The following DIS3L variants were observed in gnomAD, a reference collection of about 807,000 sequenced individuals.
DIS3L encodes DIS3 like exosome 3'-5' exoribonuclease.
A neutral mutation model predicts 120.3 loss-of-function variants in DIS3L; 100 were observed. That is an observed-to-expected ratio of 0.83 (90% CI 0.71 to 0.98). DIS3L has a LOEUF of 0.98. Ranked by LOEUF, DIS3L falls within the 50% of genes least tolerant of loss-of-function variation. The pLI is 0.00. For missense variants in DIS3L, 1,196 were observed against 1,314.2 expected, an observed-to-expected ratio of 0.91 and a Z score of 1.39; for synonymous variants, 426 against 470.6, an observed-to-expected ratio of 0.91 and a Z score of 1.23.
chr15:66,330,151 A>T (rs901048692), intron 14 of DIS3L: 42 of 890,106 alleles, frequency 4.7e-5, no homozygotes, highest in Non-Finnish European at 5.4e-5. Context: ...AAATACAAAA[A>T]ATTAGCATGG....
upstream of DIS3L, chr15:66,293,480 G>A: frequency 8.1e-7 from 1 of 1,231,808 alleles, no homozygotes; most frequent in Non-Finnish European, 1.0e-6. Context: ...CCTCCCCCGG[G>A]CGCGGCAGTT....
At chr15:66,328,849 T>G in intron 12 of DIS3L, 121 bp from the exon 13 acceptor site, 2 of 1,296,482 alleles carry the variant, frequency 1.5e-6, no homozygotes, top group Non-Finnish European at 2.1e-6. Context: ...CTGAAACGTG[T>G]CCAAAACAAA....
chr15:66,311,641 C>T, intron 4 of DIS3L, 83 bp from the exon 5 acceptor site: 2 of 1,533,750 alleles, frequency 1.3e-6, no homozygotes, highest in Non-Finnish European at 8.9e-7. Flanking sequence ...CCAGCAATTC[C>T]TAGTCAGGAG....
rs751081764 is a variant in DIS3L at position 66,323,547 on chromosome 15, C to T, written c.1629C>T (p.Leu543=). Residue 543 remains leucine, a synonymous_variant, in exon 11 of 17, where the codon CTC becomes CTT. Coordinates refer to ENST00000319212, the MANE Select transcript of DIS3L (RefSeq NM_001143688.3). The part of the protein sequence containing the change: ...DRRYDMLPSV[L]SADLCSLLGG... ...GCTATGACATGCTGCCTTCCGTCCTCAGTGCAGATTTGTGTTCCCTTCTGG... is the reference window on the plus strand; with the variant it reads ...GCTATGACATGCTGCCTTCCGTCCTTAGTGCAGATTTGTGTTCCCTTCTGG... The T allele has an allele frequency of 4.3e-6, 7 of 1,614,156 alleles. No homozygotes were observed. The highest frequency in any genetic ancestry group is 5.9e-6 in the Non-Finnish European group (7 of 1,180,052).
rs372579132 is a variant in DIS3L, at chr15:66,333,546, C to T, written c.*234C>T. On this transcript the variant is annotated 3_prime_UTR_variant, in exon 17 of 17. Transcript: ENST00000319212. ...GAGATTGAGACCATCCTGGCTAACA[C>T]GGTGAAACCCAGTCTCTACTAAAAA... 205 of 325,880 alleles carry T rather than the reference C, an allele frequency of 6.3e-4. No homozygotes were observed. Among genetic ancestry groups the T allele is most frequent in the African/African-American group, 3.2e-3 (149 of 46,252 alleles). 20.2% of individuals were successfully genotyped at this position (325,880 alleles called of 1,614,324 possible). A position where few individuals can be genotyped will look rare whatever the true frequency, so the allele number is the denominator to read the frequency against.
intron 11 of DIS3L, among the ~76,000 whole-genome samples, chr15:66,324,228 G>A (rs1010107483): frequency 2.0e-5 from 3 of 152,104 alleles, no homozygotes; most frequent in Admixed American, 6.6e-5. Flanking sequence ...AGATCATTCC[G>A]TATTAATAAC....
At chr15:66,317,260 G>C (rs1187870366) in intron 7 of DIS3L, among the ~76,000 whole-genome samples, 1 of 148,972 alleles carries the variant, frequency 6.7e-6, no homozygotes, top group Non-Finnish European at 1.5e-5. Context: ...TTGAAATCAA[G>C]GACTTTGCCT....
intron 7 of DIS3L, among the ~76,000 whole-genome samples, chr15:66,318,084 C>T (rs1164846707): frequency 1.3e-5 from 2 of 152,128 alleles, no homozygotes; most frequent in African/African-American, 4.8e-5. Flanking sequence ...GGCGATTCTC[C>T]TGCCTTAGCC....
At chr15:66,309,846 A>G (rs2092742966) in intron 4 of DIS3L, among the ~76,000 whole-genome samples, 1 of 152,184 alleles carries the variant, frequency 6.6e-6, no homozygotes, top group Non-Finnish European at 1.5e-5. Context: ...GTTAATAGGG[A>G]TAAATGAAAG....
intron 7 of DIS3L, among the ~76,000 whole-genome samples, chr15:66,316,476 C>G (rs1454899059): frequency 6.6e-6 from 1 of 152,182 alleles, no homozygotes; most frequent in Non-Finnish European, 1.5e-5. Context: ...ACCCTTGCCC[C>G]TCCCCATGTA....
chr15:66,318,186 C>T (rs2092840707), intron 7 of DIS3L, among the ~76,000 whole-genome samples: 1 of 152,094 alleles, frequency 6.6e-6, no homozygotes, highest in Admixed American at 6.5e-5. Context: ...GTTAGCCAGG[C>T]TGGTCTTGAA....
At chr15:66,302,129 A>G (rs2092654401) in intron 2 of DIS3L, among the ~76,000 whole-genome samples, 1 of 152,156 alleles carries the variant, frequency 6.6e-6, no homozygotes, top group Non-Finnish European at 1.5e-5. Flanking sequence ...TTGGGAGGCC[A>G]AGGCAAGAAG....
intron 1 of DIS3L, chr15:66,293,973 A>C (rs1288943742): frequency 4.0e-6 from 4 of 992,142 alleles, no homozygotes; most frequent in Non-Finnish European, 4.8e-6. Flanking sequence ...GTCCAATGGG[A>C]GGGCCCGACA....
At chr15:66,304,038 C>G (rs1325767770) in intron 2 of DIS3L, among the ~76,000 whole-genome samples, 1 of 137,172 alleles carries the variant, frequency 7.3e-6, no homozygotes, top group Non-Finnish European at 1.5e-5. Flanking sequence ...TGCAGTGAGC[C>G]GAGATTGTGC....
chr15:66,326,240 G>A lies in DIS3L; in HGVS notation c.2077G>A (p.Ala693Thr), dbSNP rs1295953660. The A allele has an allele frequency of 7.4e-6, 12 of 1,614,012 alleles. No individual in the cohort carries two copies. The highest frequency in any genetic ancestry group is 1.7e-5 in the Admixed American group (1 of 60,006). Residue 693 changes from alanine to threonine, a missense_variant, in exon 12 of 17, where the codon GCC (alanine) becomes ACC (threonine). By Grantham distance (58) the Ala-to-Thr change is moderately conservative (BLOSUM62 0). Transcript: ENST00000319212. ...ECMILANHWVAKKIWESFPHQ... is the reference protein window; with the variant it reads ...ECMILANHWVTKKIWESFPHQ... ...CATGATCCTGGCCAACCACTGGGTCGCCAAAAAGATCTGGGAGAGCTTCCC... is the reference window on the plus strand; with the variant it reads ...CATGATCCTGGCCAACCACTGGGTCACCAAAAAGATCTGGGAGAGCTTCCC...
intron 2 of DIS3L, among the ~76,000 whole-genome samples, chr15:66,303,643 A>AT (rs1268738015): frequency 2.6e-5 from 4 of 152,148 alleles, no homozygotes; most frequent in Admixed American, 6.5e-5. Flanking sequence ...CACAGGCAAT[A>AT]TTTTTTCAAT....
chr15:66,319,411 G>A (rs1421796325), intron 8 of DIS3L, among the ~76,000 whole-genome samples: 1 of 152,134 alleles, frequency 6.6e-6, no homozygotes, highest in East Asian at 1.9e-4. Flanking sequence ...GATACACTTT[G>A]CCAACACTAA....
In DIS3L at chr15:66,333,038, CT is replaced by C; in HGVS notation, c.2892del (p.Asp965IlefsTer7). On this transcript the variant is annotated frameshift_variant, in exon 17 of 17. Transcript: ENST00000319212. LOFTEE classifies it high-confidence loss of function. The part of the protein sequence containing the change: ...RISIQASRCH[S>X]DTIRLEIISN... Reference sequence around the variant, plus strand: ...TCCATACAGGCCTCACGTTGCCATTCTGATACAATCAGACTTGAAATAATTA... The same window carrying C: ...TCCATACAGGCCTCACGTTGCCATTCGATACAATCAGACTTGAAATAATTA... 1 of 1,613,004 alleles carries C rather than the reference CT, an allele frequency of 6.2e-7. No individual in the cohort carries two copies. The highest frequency in any genetic ancestry group is 1.7e-4 in the Middle Eastern group (1 of 6,056).
chr15:66,316,560 A>C (rs1019196197), intron 7 of DIS3L, among the ~76,000 whole-genome samples: 7 of 152,178 alleles, frequency 4.6e-5, no homozygotes, highest in African/African-American at 1.7e-4. Flanking sequence ...TCATGCCTGT[A>C]ATCCCAGCAC....
Sources: gnomAD v4.1 joint callset for allele counts (sites outside exome capture counted in the v4.1 genomes callset) on GRCh38, gnomAD v4.1.1 for gene constraint, MANE v1.5 for transcripts, NCBI Gene and HGNC (gene_info 2026-07-23, HGNC 2026-07-21) for gene names.